SFI1: variants seen among roughly 807,000 people sequenced by gnomAD.
SFI1 encodes SFI1 centrin binding protein.
SFI1 carries 195 observed loss-of-function variants against 207.5 expected under a neutral mutation model. The ratio of observed to expected loss-of-function variants is 0.94; its 90% confidence interval spans 0.84 to 1.06. The LOEUF (loss-of-function observed/expected upper bound fraction) is 1.06. Ranked by LOEUF, SFI1 falls within the 50% of genes least tolerant of loss-of-function variation. The pLI is 0.00. For synonymous variants in SFI1, 630 were observed against 598.9 expected (o/e 1.05, Z -0.76); for missense variants, 1,634 against 1,588.0 (o/e 1.03, Z -0.49).
intron 7 of SFI1, among the ~76,000 whole-genome samples, chr22:31,558,722 C>T (rs947461855): frequency 2.6e-5 from 4 of 152,050 alleles, no homozygotes; most frequent in East Asian, 1.9e-4. Context: ...CATGATTCAC[C>T]GGCCTCAGCC....
In SFI1 at chr22:31,611,738, C is replaced by T. The variant is rs1226992036; in HGVS notation, c.2416-28C>T. 3.1e-6 allele frequency: 5 copies of T among 1,607,878 alleles called. No homozygotes were observed. The African/African-American group carries it at 6.7e-5, about 21-fold the overall frequency. ...GGCTGTCTAGGCTGGGTCAGGACGC[C>T]ACTCTCTGTGCACTTGCTCTCCCCC... On this transcript the variant is annotated intron_variant, in intron 23 of 32. Coordinates refer to ENST00000400288, the MANE Select transcript of SFI1 (RefSeq NM_001007467.3).
chr22:31,618,019 A>G, intron 31 of SFI1, 96 bp from the exon 32 acceptor site: 1 of 1,359,568 alleles, frequency 7.4e-7, no homozygotes, highest in Non-Finnish European at 9.9e-7. Context: ...TCCACCCGAT[A>G]CCCGCATCAG....
At chr22:31,550,726 T>A in intron 6 of SFI1, 1 of 176,922 alleles carries the variant, frequency 5.7e-6, no homozygotes, top group Non-Finnish European at 1.2e-5. Flanking sequence ...TTTTCTGATC[T>A]GCTTTGCTCA....
intron 15 of SFI1, among the ~76,000 whole-genome samples, chr22:31,596,466 A>T (rs577959673): frequency 6.6e-6 from 1 of 152,176 alleles, no homozygotes; most frequent in South Asian, 2.1e-4. Context: ...TTACCTAGTC[A>T]TGTATTGTGG....
chr22:31,593,166 G>A (rs1427446353), intron 15 of SFI1, among the ~76,000 whole-genome samples: 1 of 150,766 alleles, frequency 6.6e-6, no homozygotes, highest in African/African-American at 2.5e-5. Context: ...GGACGGGGTG[G>A]CTGCCGGGCG....
At chr22:31,521,247 G>T in intron 2 of SFI1, 1 of 185,348 alleles carries the variant, frequency 5.4e-6, no homozygotes. Flanking sequence ...ACTTGCGAAT[G>T]TGTGGAATGA....
At chr22:31,617,553 T>G (rs1489740707) in intron 31 of SFI1, among the ~76,000 whole-genome samples, 1 of 151,882 alleles carries the variant, frequency 6.6e-6, no homozygotes, top group African/African-American at 2.4e-5. Flanking sequence ...AAACCCCATC[T>G]CTACTAAAAA....
chr22:31,500,784 GTT>G (rs1412579487), intron 1 of SFI1, among the ~76,000 whole-genome samples: 6 of 138,652 alleles, frequency 4.3e-5, no homozygotes, highest in South Asian at 2.3e-4. Context: ...GTGTGTGTGT[GTT>G]TGTTTTGTTT....
chr22:31,604,195 G>T (rs558893842), intron 18 of SFI1, 114 bp from the exon 19 acceptor site: 203 of 800,062 alleles, frequency 2.5e-4, no homozygotes, highest in Non-Finnish European at 3.7e-4. Flanking sequence ...TATAGATGAG[G>T]CCAGAGAGGT....
chr22:31,596,955 C>T (rs997623958), intron 15 of SFI1, among the ~76,000 whole-genome samples: 2 of 142,226 alleles, frequency 1.4e-5, no homozygotes, highest in Admixed American at 7.1e-5. Context: ...GTACTGAAAA[C>T]GCGCACACAC....
At chr22:31,522,815 C>T (rs548833141) in intron 2 of SFI1, among the ~76,000 whole-genome samples, 1 of 152,082 alleles carries the variant, frequency 6.6e-6, no homozygotes, top group Non-Finnish European at 1.5e-5. Context: ...GCCACCATGC[C>T]CAGCTAATTT....
At chr22:31,539,897 GT>G (rs1436174570) in intron 4 of SFI1, among the ~76,000 whole-genome samples, 1 of 151,986 alleles carries the variant, frequency 6.6e-6, no homozygotes, top group Non-Finnish European at 1.5e-5. Context: ...TGAATTTTTA[GT>G]AGAGATGGGG....
At chr22:31,501,123 A>C (rs1423611692) in intron 1 of SFI1, among the ~76,000 whole-genome samples, 5 of 150,806 alleles carry the variant, frequency 3.3e-5, no homozygotes, top group African/African-American at 1.2e-4. Context: ...AGGTATGTAC[A>C]TTAGTTTTTT....
chr22:31,522,836 A>G (rs62236258), intron 2 of SFI1, among the ~76,000 whole-genome samples: 7,055 of 151,964 alleles, frequency 0.046, 147 homozygotes, highest in African/African-American at 0.062. Context: ...TTGTATTTTT[A>G]GTAGAGACGG....
chr22:31,583,275 G>A (rs1247736330), intron 12 of SFI1, among the ~76,000 whole-genome samples: 2 of 152,112 alleles, frequency 1.3e-5, no homozygotes, highest in East Asian at 3.9e-4. Context: ...CATCACGCCC[G>A]GCTAATTTTG....
chr22:31,543,191 C>T (rs1252178312), intron 4 of SFI1, among the ~76,000 whole-genome samples: 2 of 149,790 alleles, frequency 1.3e-5, no homozygotes, highest in South Asian at 2.1e-4. Context: ...AGGATGGTCT[C>T]GATCTCCTGA....
chr22:31,506,253 G>A (rs2054618186), intron 1 of SFI1, among the ~76,000 whole-genome samples: 1 of 151,932 alleles, frequency 6.6e-6, no homozygotes, highest in Non-Finnish European at 1.5e-5. Context: ...TTCCCATGTT[G>A]GGCAGGCTGG....
chr22:31,563,817 G>A (rs952998486), intron 8 of SFI1, among the ~76,000 whole-genome samples: 7 of 151,666 alleles, frequency 4.6e-5, no homozygotes, highest in South Asian at 2.1e-4. Context: ...ACTCCTGACC[G>A]CAAGTGATCC....
rs569543779 is a variant in SFI1, at chr22:31,507,440, C to T, written c.-30-815C>T. On this transcript the variant is annotated intron_variant, in intron 1 of 32. Coordinates refer to ENST00000400288, the MANE Select transcript of SFI1 (RefSeq NM_001007467.3). ...TAGGCAATACCATTCAAGACATAGG[C>T]ACAGGCAAAGATTTCATGATGAAGA... is the stretch of plus-strand genomic sequence containing the variant. Among the ~76,000 whole-genome samples the T allele has an allele frequency of 7.0e-4, 107 of 152,276 alleles. 1 individual carries two copies. Among genetic ancestry groups the T allele is most frequent in the African/African-American group, 2.5e-3 (105 of 41,558 alleles).
Sources: allele counts gnomAD v4.1 joint callset (sites outside exome capture counted in the v4.1 genomes callset), GRCh38; gene constraint gnomAD v4.1.1; transcripts MANE v1.5; gene names NCBI Gene and HGNC (gene_info 2026-07-23, HGNC 2026-07-21).